The following WASHC5 variants were observed in gnomAD, a reference collection of about 807,000 sequenced individuals.
The protein encoded by WASHC5 is WASH complex subunit strumpellin.
WASHC5 carries 101 observed loss-of-function variants against 150.4 expected under a neutral mutation model. That is an observed-to-expected ratio of 0.67 (90% CI 0.57 to 0.79). The LOEUF (loss-of-function observed/expected upper bound fraction) is 0.79. Ranked by LOEUF, WASHC5 falls within the 30% of genes least tolerant of loss-of-function variation. The probability of loss-of-function intolerance (pLI) is 0.00; values close to 1 mark genes in which losing one functional copy is unlikely to be tolerated. For synonymous variants in WASHC5, 467 were observed against 491.2 expected (o/e 0.95, Z 0.65); for missense variants, 1,195 against 1,396.3 (o/e 0.86, Z 2.30).
Position 125,051,827 on chromosome 8 carries a change from C to T in WASHC5, c.2098-1162G>A, listed in dbSNP as rs114922577. Among the ~76,000 whole-genome samples, 1,075 of 152,240 alleles carry T rather than the reference C, an allele frequency of 7.1e-3. 14 individuals carry two copies. The highest frequency in any genetic ancestry group is 0.024 in the African/African-American group (1,006 of 41,544). On this transcript the variant is annotated intron_variant, in intron 17 of 28. Coordinates refer to ENST00000318410, the MANE Select transcript of WASHC5 (RefSeq NM_014846.4). ...GCTTGAACTCGGGAGGAGGAGGTTG[C>T]GGTGAGCCTGCACCATTGTACTCCA...
chr8:125,079,135 T>TATATATATATAA, intron 5 of WASHC5, among the ~76,000 whole-genome samples: 1 of 117,486 alleles, frequency 8.5e-6, no homozygotes, highest in East Asian at 2.5e-4. Flanking sequence ...TATATATATA[T>TATATATATATAA]ATATACATTT....
Position 125,059,279 on chromosome 8 carries a change from T to C in WASHC5, c.1707A>G (p.Gln569=), listed in dbSNP as rs758012602. ...QLIDSFTSIM[Q]ESIRVNPSMV... ...TGGATGGATTTACCCTTATGCTTTC[T>C]TGCATGATGGATGTGAAACTGTAAA... Residue 569 remains glutamine, a synonymous_variant, in exon 14 of 29, where the codon CAA becomes CAG. Transcript: ENST00000318410. 1.9e-6 allele frequency: 3 copies of C among 1,614,088 alleles called. No individual in the cohort carries two copies. The South Asian group carries it at 3.3e-5, about 18-fold the overall frequency.
Position 125,057,587 on chromosome 8 carries a change from T to C in WASHC5, c.1844A>G (p.Tyr615Cys), listed in dbSNP as rs776512116. The change falls in exon 15 of 29, where the codon TAT (tyrosine) becomes TGT (cysteine). Residue 615 changes from tyrosine (Y) to cysteine (C), a missense_variant. Physicochemically the swap from Tyr to Cys is radical, Grantham distance 194 (BLOSUM62 -2). Around this residue, in one of 3 missense-constraint regions of WASHC5, gnomAD observed 997 missense variants for 1,168.1 expected, o/e 0.85. Transcript: ENST00000318410. ...CACATAGGATACCAACTCTCCAGAATAGTACTGTGACACGCTGAGCAGGTC... is the reference window on the plus strand; with the variant it reads ...CACATAGGATACCAACTCTCCAGAACAGTACTGTGACACGCTGAGCAGGTC... ...SPDLLSVSQY[Y>C]SGELVSYVRK... The C allele has an allele frequency of 5.0e-6, 8 of 1,613,120 alleles. No individual in the cohort carries two copies. The highest frequency in any genetic ancestry group is 2.7e-5 in the African/African-American group (2 of 74,920).
intron 1 of WASHC5, among the ~76,000 whole-genome samples, chr8:125,088,765 G>T (rs76690869): frequency 0.027 from 4,055 of 152,128 alleles, 193 homozygotes; most frequent in African/African-American, 0.094. Context: ...CCTACCCTCC[G>T]GACCATAGAT....
At chr8:125,043,364 C>T (rs1474334460) in intron 23 of WASHC5, among the ~76,000 whole-genome samples, 1 of 152,182 alleles carries the variant, frequency 6.6e-6, no homozygotes, top group Non-Finnish European at 1.5e-5. Flanking sequence ...AGTAAGACTG[C>T]TTTCTGCAGA....
intron 1 of WASHC5, among the ~76,000 whole-genome samples, chr8:125,086,789 C>T (rs145639201): frequency 1.2e-3 from 177 of 152,196 alleles, no homozygotes; most frequent in Middle Eastern, 0.01. Flanking sequence ...GGGTATCTTG[C>T]TAGAGAGATC....
At chr8:125,068,925 T>C (rs1381290321) in intron 9 of WASHC5, among the ~76,000 whole-genome samples, 4 of 152,270 alleles carry the variant, frequency 2.6e-5, no homozygotes, top group Non-Finnish European at 5.9e-5. Flanking sequence ...AAAATATTGA[T>C]ATTTGCTTAG....
intron 10 of WASHC5, among the ~76,000 whole-genome samples, chr8:125,066,892 CTCTTGCGTCTCTTCTCATGGAAG>C (rs1816756751): frequency 6.6e-6 from 1 of 152,230 alleles, no homozygotes; most frequent in African/African-American, 2.4e-5. Context: ...CCTTCAGAAG[CTCTTGCGTCTCTTCTCATGGAAG>C]TCTACCAGGA....
intron 11 of WASHC5, among the ~76,000 whole-genome samples, chr8:125,061,471 G>A (rs1401013347): frequency 6.8e-6 from 1 of 146,906 alleles, no homozygotes; most frequent in Non-Finnish European, 1.5e-5. Context: ...GTGGAGAAGA[G>A]TTGGAAAGGA....
At position 125,028,612 on chromosome 8, in the gene WASHC5, T is replaced by A. The variant is rs1563605691; in HGVS notation, c.3423+8A>T. The A allele has an allele frequency of 6.3e-7, 1 of 1,582,672 alleles. No homozygotes were observed. The highest frequency in any genetic ancestry group is 8.7e-7 in the Non-Finnish European group (1 of 1,151,422). On this transcript the variant is annotated splice_region_variant and intron_variant, in intron 28 of 28. Coordinates refer to ENST00000318410, the MANE Select transcript of WASHC5 (RefSeq NM_014846.4). ...TATTAATATTGTTCTTTACTATCTA[T>A]CACTTACCCTCCTGGGTAGCTTTGT... is the stretch of plus-strand genomic sequence containing the variant.
At chr8:125,033,905 A>G (rs1563608732) in intron 26 of WASHC5, among the ~76,000 whole-genome samples, 1 of 152,190 alleles carries the variant, frequency 6.6e-6, no homozygotes, top group Non-Finnish European at 1.5e-5. Context: ...AAAAATGGAT[A>G]AACTGGACAC....
chr8:125,034,574 C>T (rs1363754491), intron 26 of WASHC5, among the ~76,000 whole-genome samples: 3 of 152,180 alleles, frequency 2.0e-5, no homozygotes, highest in African/African-American at 7.2e-5. Context: ...GTGGACTACA[C>T]ATATACTCAC....
intron 10 of WASHC5, among the ~76,000 whole-genome samples, chr8:125,066,882 C>A (rs140739223): frequency 6.6e-6 from 1 of 152,202 alleles, no homozygotes; most frequent in Non-Finnish European, 1.5e-5. Context: ...TCCCCAGGCC[C>A]CTTCAGAAGC....
intron 8 of WASHC5, among the ~76,000 whole-genome samples, chr8:125,073,549 T>C (rs1310550014): frequency 6.6e-6 from 1 of 152,204 alleles, no homozygotes; most frequent in Non-Finnish European, 1.5e-5. Context: ...CTGTACAAGA[T>C]GAATGACATA....
chr8:125,042,491 G>T lies in WASHC5; in HGVS notation c.2850+1334C>A, dbSNP rs544240064. ...CAAAAAGACAAATTTGTCCTTTGGG[G>T]CTTTATTTAAAGATCACTGACTCGG... On this transcript the variant is annotated intron_variant, in intron 23 of 28. Transcript: ENST00000318410. 7.9e-5 allele frequency among the ~76,000 whole-genome samples: 12 copies of T among 152,214 alleles called. No individual in the cohort carries two copies. The East Asian group carries it at 2.1e-3, about 27-fold the overall frequency.
Position 125,040,431 on chromosome 8 carries a change from C to A in WASHC5, c.2851-533G>T, listed in dbSNP as rs143248392. 2.5e-3 allele frequency among the ~76,000 whole-genome samples: 374 copies of A among 152,204 alleles called. 15 individuals carry two copies. In the East Asian group the frequency reaches 0.065, roughly 27 times the overall value. ...AAAATAATCTACATAAAATCTTTCACGAAAATTTTAACAATGATAGCCCCT... is the reference window on the plus strand; with the variant it reads ...AAAATAATCTACATAAAATCTTTCAAGAAAATTTTAACAATGATAGCCCCT... On this transcript the variant is annotated intron_variant, in intron 23 of 28. Transcript: ENST00000318410.
At chr8:125,062,171 A>C (rs1816614072) in intron 11 of WASHC5, among the ~76,000 whole-genome samples, 1 of 152,122 alleles carries the variant, frequency 6.6e-6, no homozygotes, top group Non-Finnish European at 1.5e-5. Context: ...AAGAGCATGA[A>C]ATTTGGGGTC....
At chr8:125,029,030 CTT>C (rs574526697) in intron 27 of WASHC5, among the ~76,000 whole-genome samples, 311 of 122,788 alleles carry the variant, frequency 2.5e-3, no homozygotes, top group African/African-American at 6.4e-3. Flanking sequence ...TCCCTGCACA[CTT>C]TTTTTTTTTT....
chr8:125,043,971 A>C (rs1019789388), intron 22 of WASHC5, 21 bp downstream of exon 22: 1 of 1,307,638 alleles, frequency 7.6e-7, no homozygotes, highest in Admixed American at 2.3e-5. Flanking sequence ...TCCCCGCCTC[A>C]GGTAGTTTCA....
Sources: allele counts gnomAD v4.1 joint callset (sites outside exome capture counted in the v4.1 genomes callset), GRCh38; gene constraint gnomAD v4.1.1; regional missense constraint gnomAD v4.1.1; transcripts MANE v1.5; gene names NCBI Gene and HGNC (gene_info 2026-07-23, HGNC 2026-07-21).